Variants in AUTS2 observed in about 807,000 individuals in gnomAD.
The protein encoded by AUTS2 is activator of transcription and developmental regulator AUTS2.
In AUTS2, 17 loss-of-function variants were observed where a neutral mutation model predicts 112.4. The ratio of observed to expected loss-of-function variants is 0.15; its 90% CI spans 0.10 to 0.23. AUTS2 has a LOEUF of 0.23. Among genes scored for constraint, AUTS2 ranks in the 10% least tolerant of loss-of-function variants. The probability of loss-of-function intolerance (pLI) is 1.00; values close to 1 mark genes in which losing one functional copy is unlikely to be tolerated. For missense variants in AUTS2, 1,510 were observed against 1,701.6 expected (o/e 0.89, Z 1.98); for synonymous variants, 751 against 702.7 (o/e 1.07, Z -1.09).
chr7:70,336,281 C>T (rs1790985710), intron 4 of AUTS2, among the ~76,000 whole-genome samples: 1 of 137,526 alleles, frequency 7.3e-6, no homozygotes, highest in Non-Finnish European at 1.6e-5. Context: ...GTCCCAGCTG[C>T]ACCCCCTCCA....
chr7:70,445,803 A>T (rs1585154151), intron 5 of AUTS2, among the ~76,000 whole-genome samples: 1 of 152,326 alleles, frequency 6.6e-6, no homozygotes, highest in Admixed American at 6.5e-5. Context: ...AAAGCATCCC[A>T]TGCCTAGCAT....
intron 1 of AUTS2, among the ~76,000 whole-genome samples, chr7:69,883,825 A>G (rs1451035811): frequency 1.3e-5 from 2 of 152,196 alleles, no homozygotes; most frequent in African/African-American, 2.4e-5. Context: ...TACTGATGCC[A>G]GTTTTAACAG....
chr7:70,718,223 A>G (rs1810482180), intron 6 of AUTS2, among the ~76,000 whole-genome samples: 1 of 152,114 alleles, frequency 6.6e-6, no homozygotes, highest in Non-Finnish European at 1.5e-5. Flanking sequence ...CCTCTTGCTC[A>G]AGAGGGTGCT....
At chr7:70,104,832 TTC>T (rs1235595119) in intron 2 of AUTS2, among the ~76,000 whole-genome samples, 1 of 152,204 alleles carries the variant, frequency 6.6e-6, no homozygotes, top group African/African-American at 2.4e-5. Flanking sequence ...TTTGTGTTCT[TTC>T]TCTCTTTTTT....
At chr7:70,020,852 G>T (rs187688711) in intron 2 of AUTS2, among the ~76,000 whole-genome samples, 8 of 151,910 alleles carry the variant, frequency 5.3e-5, no homozygotes, top group East Asian at 1.9e-4. Flanking sequence ...TTTATTTTTG[G>T]CAGAGACAAG....
At chr7:70,336,494 A>G (rs756451696) in intron 4 of AUTS2, among the ~76,000 whole-genome samples, 5 of 152,222 alleles carry the variant, frequency 3.3e-5, no homozygotes, top group African/African-American at 4.8e-5. Context: ...CTTCTGGAAT[A>G]CAAAAGCTGA....
At position 70,784,964 on chromosome 7, in the gene AUTS2, C is replaced by A. The variant is rs1190547829; in HGVS notation, c.2169C>A (p.Thr723=). The change falls in exon 16 of 19, where the codon ACC becomes ACA. Residue 723 remains threonine (T), a synonymous_variant. Transcript: ENST00000342771. ...CAGGTGCTGCACACCCAACTGGGAC[C>A]CCTTTTGGGCCACCTCCTCATCACA... ...SAAGAAHPTG[T]PFGPPPHHSN... 1.2e-6 allele frequency: 2 copies of A among 1,613,982 alleles called. No individual in the cohort carries two copies. The highest frequency in any genetic ancestry group is 1.7e-6 in the Non-Finnish European group (2 of 1,180,042).
At chr7:70,227,284 A>T (rs1055311214) in intron 4 of AUTS2, among the ~76,000 whole-genome samples, 1 of 151,672 alleles carries the variant, frequency 6.6e-6, no homozygotes, top group Non-Finnish European at 1.5e-5. Context: ...TTTTGGGCCT[A>T]CTTTTTTCTG....
chr7:69,925,894 T>A (rs1286331364), intron 2 of AUTS2, among the ~76,000 whole-genome samples: 1 of 152,196 alleles, frequency 6.6e-6, no homozygotes, highest in Admixed American at 6.5e-5. Context: ...GTGGTGCGCC[T>A]ATAGTCCCAG....
intron 4 of AUTS2, among the ~76,000 whole-genome samples, chr7:70,424,783 C>T (rs1218099038): frequency 2.0e-5 from 3 of 152,086 alleles, no homozygotes; most frequent in East Asian, 1.9e-4. Context: ...ACAGGGGTCT[C>T]GCTATGTTGC....
chr7:70,219,709 T>C (rs989908111), intron 4 of AUTS2, among the ~76,000 whole-genome samples: 1 of 151,976 alleles, frequency 6.6e-6, no homozygotes, highest in Non-Finnish European at 1.5e-5. Context: ...ATAGCTGGGA[T>C]TACAGGTGCT....
chr7:70,221,638 G>A (rs1388001875), intron 4 of AUTS2, among the ~76,000 whole-genome samples: 1 of 152,208 alleles, frequency 6.6e-6, no homozygotes, highest in Non-Finnish European at 1.5e-5. Context: ...TGTATTCCCA[G>A]TACTTTGGGA....
chr7:70,707,115 C>G (rs1809780026), intron 6 of AUTS2, among the ~76,000 whole-genome samples: 1 of 152,168 alleles, frequency 6.6e-6, no homozygotes, highest in Non-Finnish European at 1.5e-5. Context: ...CTACCTTGTA[C>G]CATATTTTGA....
intron 2 of AUTS2, among the ~76,000 whole-genome samples, chr7:70,029,538 A>G (rs2129556309): frequency 6.6e-6 from 1 of 152,294 alleles, no homozygotes; most frequent in South Asian, 2.1e-4. Context: ...AAAATACTGT[A>G]GTAACTTCCA....
chr7:69,776,088 A>T (rs1361459215), intron 1 of AUTS2, among the ~76,000 whole-genome samples: 1 of 152,034 alleles, frequency 6.6e-6, no homozygotes, highest in East Asian at 1.9e-4. Flanking sequence ...TTGTTTTTGC[A>T]TGTGTCGTGG....
chr7:70,738,235 C>T (rs1487275646), intron 6 of AUTS2, among the ~76,000 whole-genome samples: 1 of 152,212 alleles, frequency 6.6e-6, no homozygotes, highest in South Asian at 2.1e-4. Flanking sequence ...ACAAATGACC[C>T]GTTCTCACTG....
At chr7:70,458,632 G>A (rs1017780003) in intron 5 of AUTS2, among the ~76,000 whole-genome samples, 10 of 152,152 alleles carry the variant, frequency 6.6e-5, no homozygotes, top group Admixed American at 1.3e-4. Flanking sequence ...GGAGGGAAGC[G>A]GGAGGCATGT....
chr7:70,071,517 A>G (rs1802766421), intron 2 of AUTS2, among the ~76,000 whole-genome samples: 1 of 152,202 alleles, frequency 6.6e-6, no homozygotes, highest in Non-Finnish European at 1.5e-5. Flanking sequence ...GAAAGTGCTT[A>G]TCATCGACAC....
chr7:69,855,041 C>T (rs1792656137), intron 1 of AUTS2, among the ~76,000 whole-genome samples: 1 of 152,176 alleles, frequency 6.6e-6, no homozygotes, highest in Non-Finnish European at 1.5e-5. Flanking sequence ...TGCTTTCCTT[C>T]TCAAGTACAT....
Sources: allele counts gnomAD v4.1 joint callset (sites outside exome capture counted in the v4.1 genomes callset), GRCh38; gene constraint gnomAD v4.1.1; transcripts MANE v1.5; gene names NCBI Gene and HGNC (gene_info 2026-07-23, HGNC 2026-07-21).